Variants in MCCC2 observed in about 807,000 individuals in gnomAD.
The protein encoded by MCCC2 is methylcrotonoyl-CoA carboxylase beta chain, mitochondrial.
In MCCC2, 52 loss-of-function variants were observed where a neutral mutation model predicts 77.2. The ratio of observed to expected loss-of-function variants is 0.67; its 90% CI spans 0.54 to 0.85. The LOEUF (loss-of-function observed/expected upper bound fraction) is 0.85. Ranked by LOEUF, MCCC2 falls within the 40% of genes least tolerant of loss-of-function variation. MCCC2 has a pLI of 0.00. For synonymous variants in MCCC2, 253 were observed against 248.4 expected, an observed-to-expected ratio of 1.02 and a Z score of -0.18; for missense variants, 682 against 703.2, an observed-to-expected ratio of 0.97 and a Z score of 0.34.
chr5:71,611,817 C>G (rs1351006005), intron 6 of MCCC2, among the ~76,000 whole-genome samples: 1 of 145,764 alleles, frequency 6.9e-6, no homozygotes, highest in African/African-American at 2.5e-5. Flanking sequence ...GAGATGGAGT[C>G]TTGCTCTGTT....
intron 7 of MCCC2, among the ~76,000 whole-genome samples, chr5:71,630,397 G>C (rs1200249127): frequency 6.6e-6 from 1 of 151,562 alleles, no homozygotes; most frequent in Non-Finnish European, 1.5e-5. Context: ...TTTTCTCTTT[G>C]ACTTCTATCA....
intron 6 of MCCC2, among the ~76,000 whole-genome samples, chr5:71,608,773 G>A (rs972196770): frequency 3.3e-5 from 5 of 152,108 alleles, no homozygotes; most frequent in South Asian, 2.1e-4. Context: ...GGTGGTGACA[G>A]AATCTCTCAG....
At chr5:71,635,914 A>G (rs1052733312) in intron 10 of MCCC2, 1 of 161,862 alleles carries the variant, frequency 6.2e-6, no homozygotes, top group African/African-American at 2.4e-5. Context: ...TGTGAAAAAT[A>G]TAGAAAATAC....
At chr5:71,644,070 TGCGCGC>T (rs764993022) in intron 12 of MCCC2, among the ~76,000 whole-genome samples, 175 bp downstream of exon 12, 6 of 55,640 alleles carry the variant, frequency 1.1e-4, no homozygotes, top group Admixed American at 4.4e-4. Flanking sequence ...TGTGTGTGTG[TGCGCGC>T]GTGTGTATAT....
intron 8 of MCCC2, among the ~76,000 whole-genome samples, chr5:71,633,950 A>G (rs562455851): frequency 6.6e-6 from 1 of 152,294 alleles, no homozygotes; most frequent in African/African-American, 2.4e-5. Context: ...GTGGGCTATG[A>G]AAAAGAGTAA....
chr5:71,598,277 C>G lies in MCCC2; in HGVS notation c.282-1382C>G, dbSNP rs1269405487. 2.0e-5 allele frequency among the ~76,000 whole-genome samples: 3 copies of G among 151,374 alleles called. 1 individual carries two copies. Among genetic ancestry groups the G allele is most frequent in the Admixed American group, 1.3e-4 (2 of 15,186 alleles). On this transcript the variant is annotated intron_variant, in intron 3 of 16. Coordinates refer to ENST00000340941, the MANE Select transcript of MCCC2 (RefSeq NM_022132.5). The stretch of plus-strand genomic sequence containing the variant: ...GTAGAGACGGGGTTTCACCATGTTG[C>G]CCAGGATGGTCTCAATCTCTTGACC...
At chr5:71,656,589 C>T (rs1314044336) in intron 16 of MCCC2, among the ~76,000 whole-genome samples, 154 bp from the exon 17 acceptor site, 3 of 152,108 alleles carry the variant, frequency 2.0e-5, no homozygotes, top group East Asian at 1.9e-4. Context: ...CTGTCTTGAA[C>T]GTAGTTTCTG....
At chr5:71,612,062 C>T (rs986237429) in intron 6 of MCCC2, among the ~76,000 whole-genome samples, 14 of 152,072 alleles carry the variant, frequency 9.2e-5, no homozygotes, top group Non-Finnish European at 1.6e-4. Context: ...CCTCGGCCTC[C>T]CAAAGTGCTG....
At chr5:71,631,206 C>T (rs1561840234) in intron 7 of MCCC2, among the ~76,000 whole-genome samples, 1 of 152,176 alleles carries the variant, frequency 6.6e-6, no homozygotes, top group Non-Finnish European at 1.5e-5. Context: ...CCAAGGAATT[C>T]ACAGCATAGA....
intron 3 of MCCC2, among the ~76,000 whole-genome samples, chr5:71,598,097 G>A (rs1259131319): frequency 2.1e-5 from 3 of 144,408 alleles, no homozygotes; most frequent in African/African-American, 5.1e-5. Context: ...TTTTTGAGAC[G>A]GAGTCTCACT....
At chr5:71,626,599 T>G in intron 6 of MCCC2, 41 bp from the exon 7 acceptor site, 545 of 1,478,532 alleles carry the variant, frequency 3.7e-4, no homozygotes, top group Non-Finnish European at 4.7e-4. Flanking sequence ...AGTCACTGCA[T>G]GAGCTGCATC....
intron 3 of MCCC2, among the ~76,000 whole-genome samples, chr5:71,599,062 A>G (rs924865467): frequency 1.6e-4 from 24 of 152,036 alleles, no homozygotes; most frequent in Non-Finnish European, 3.2e-4. Context: ...CCTACCTCCA[A>G]AAGTTTTTAA....
At chr5:71,602,720 G>C in intron 5 of MCCC2, 87 bp downstream of exon 5, 1 of 1,576,608 alleles carries the variant, frequency 6.3e-7, no homozygotes, top group Non-Finnish European at 8.7e-7. Flanking sequence ...CATTTGGGAT[G>C]GGTATTTTAT....
chr5:71,642,483 C>T (rs893590032), intron 11 of MCCC2, among the ~76,000 whole-genome samples: 1 of 152,222 alleles, frequency 6.6e-6, no homozygotes, highest in Non-Finnish European at 1.5e-5. Context: ...AAGACCGTCC[C>T]TCTATGGGTG....
intron 6 of MCCC2, among the ~76,000 whole-genome samples, chr5:71,605,492 G>A (rs1745634602): frequency 6.6e-6 from 1 of 151,782 alleles, no homozygotes; most frequent in Non-Finnish European, 1.5e-5. Context: ...TTTGTCAGAT[G>A]AGTAGGTTGT....
intron 11 of MCCC2, among the ~76,000 whole-genome samples, chr5:71,642,463 G>T (rs1278851936): frequency 6.6e-6 from 1 of 152,194 alleles, no homozygotes; most frequent in Admixed American, 6.5e-5. Flanking sequence ...GTTTGATCAG[G>T]CAGTTGGTGA....
intron 6 of MCCC2, among the ~76,000 whole-genome samples, chr5:71,617,496 A>T: frequency 6.6e-6 from 1 of 152,210 alleles, no homozygotes; most frequent in Admixed American, 6.5e-5. Context: ...GATGGTACTT[A>T]CTTAATATTT....
rs192963131 is a variant in MCCC2 at position 71,602,217 on chromosome 5, A to G, written c.384-289A>G. ...TTTTCATTCAAAGAACCATTATGAC[A>G]CAAGGCTTAGGTTGTTAGTTTTTTA... On this transcript the variant is annotated intron_variant, in intron 4 of 16. Coordinates refer to ENST00000340941, the MANE Select transcript of MCCC2 (RefSeq NM_022132.5). Among the ~76,000 whole-genome samples the G allele has an allele frequency of 4.3e-4, 65 of 152,236 alleles. No homozygotes were observed. The East Asian group carries it at 0.012, about 29-fold the overall frequency.
chr5:71,605,336 T>C (rs1173143192), intron 6 of MCCC2, among the ~76,000 whole-genome samples: 1 of 151,440 alleles, frequency 6.6e-6, no homozygotes, highest in Non-Finnish European at 1.5e-5. Flanking sequence ...TGGCCAGTGA[T>C]GACGAGCATT....
Sources: gnomAD v4.1 joint callset for allele counts (sites outside exome capture counted in the v4.1 genomes callset) on GRCh38, gnomAD v4.1.1 for gene constraint, MANE v1.5 for transcripts, NCBI Gene and HGNC (gene_info 2026-07-23, HGNC 2026-07-21) for gene names.